Variants in CCDC7 observed in about 807,000 individuals in gnomAD.
The protein encoded by CCDC7 is coiled-coil domain containing 7.
Under a neutral mutation model 196.9 loss-of-function variants are expected in CCDC7, and 183 were observed. The observed-to-expected ratio is 0.93, with a 90% CI of 0.82 to 1.05. The LOEUF (loss-of-function observed/expected upper bound fraction) is 1.05, where lower values mean the gene tolerates loss of function less well. Among genes scored for constraint, CCDC7 ranks in the 50% least tolerant of loss-of-function variants. The pLI is 0.00. For synonymous variants in CCDC7, 525 were observed against 484.6 expected (o/e 1.08, Z -1.10); for missense variants, 1,540 against 1,482.2 (o/e 1.04, Z -0.64).
chr10:32,472,026 T>G (rs183529165), intron 6 of CCDC7, among the ~76,000 whole-genome samples: 223 of 152,298 alleles, frequency 1.5e-3, no homozygotes, highest in Middle Eastern at 0.014. Context: ...CCAATTTTAA[T>G]GAGAATAAAC....
At chr10:32,839,413 A>G (rs1439832280) in intron 33 of CCDC7, among the ~76,000 whole-genome samples, 1 of 151,968 alleles carries the variant, frequency 6.6e-6, no homozygotes, top group African/African-American at 2.4e-5. Context: ...AATGACAAAG[A>G]GGGACATTAT....
intron 21 of CCDC7, among the ~76,000 whole-genome samples, chr10:32,675,127 T>C (rs1044037544): frequency 6.6e-6 from 1 of 152,110 alleles, no homozygotes; most frequent in Non-Finnish European, 1.5e-5. Flanking sequence ...AGACTTACTA[T>C]TGCAATTATA....
chr10:32,683,112 GTT>G (rs1404888737), intron 21 of CCDC7, among the ~76,000 whole-genome samples: 1 of 152,064 alleles, frequency 6.6e-6, no homozygotes, highest in Non-Finnish European at 1.5e-5. Flanking sequence ...AATTTTCAGA[GTT>G]TTATATTTTT....
chr10:32,863,677 C>A (rs2094094097), intron 41 of CCDC7, among the ~76,000 whole-genome samples: 1 of 151,880 alleles, frequency 6.6e-6, no homozygotes, highest in South Asian at 2.1e-4. Context: ...ATAAATGGTG[C>A]TGGGAAAACT....
upstream of CCDC7, among the ~76,000 whole-genome samples, chr10:32,445,135 G>A (rs1002823905): frequency 2.0e-5 from 3 of 152,082 alleles, no homozygotes; most frequent in South Asian, 2.1e-4. Context: ...TTACAGGTGC[G>A]AGCCACCACG....
At chr10:32,823,624 T>C (rs933766930) in intron 31 of CCDC7, among the ~76,000 whole-genome samples, 3 of 152,216 alleles carry the variant, frequency 2.0e-5, no homozygotes, top group African/African-American at 7.2e-5. Flanking sequence ...CAACTACCAT[T>C]ACATGCTCTG....
intron 15 of CCDC7, 131 bp downstream of exon 16, chr10:32,568,022 T>TTGAGA: frequency 9.7e-7 from 1 of 1,033,432 alleles, no homozygotes; most frequent in Non-Finnish European, 1.3e-6. Context: ...TTTTTTTTTT[T>TTGAGA]TTTGAGATGG....
At chr10:32,452,675 C>T (rs1025939606) in intron 1 of CCDC7, among the ~76,000 whole-genome samples, 10 of 151,942 alleles carry the variant, frequency 6.6e-5, no homozygotes, top group African/African-American at 1.7e-4. Context: ...TCAGGCTGGT[C>T]TTAAACTCTT....
intron 13 of CCDC7, among the ~76,000 whole-genome samples, chr10:32,554,171 C>G (rs766168704): frequency 2.0e-5 from 3 of 152,206 alleles, no homozygotes; most frequent in Non-Finnish European, 2.9e-5. Context: ...CCCAACCTCC[C>G]CTGCAATAGC....
chr10:32,845,681 T>G (rs1254200429), intron 35 of CCDC7, 55 bp downstream of exon 36: 1 of 1,482,150 alleles, frequency 6.7e-7, no homozygotes, highest in Non-Finnish European at 9.4e-7. Flanking sequence ...ATTCCTGGAG[T>G]TAAATTAAGT....
Position 32,630,094 on chromosome 10 carries a change from G to C in CCDC7, c.1802-4160G>C, listed in dbSNP as rs994106905. On this transcript the variant is annotated intron_variant, in intron 18 of 41. Coordinates refer to ENST00000639629, the Ensembl canonical transcript of CCDC7. ...AGCTGCTGGAAAAGTATGTGGCCAA[G>C]CCCTTTCTAGGAGAAATCTGAGCTG... 5.9e-5 allele frequency among the ~76,000 whole-genome samples: 9 copies of C among 152,258 alleles called. No individual in the cohort carries two copies. In the East Asian group the frequency reaches 1.7e-3, roughly 29 times the overall value.
At chr10:32,786,671 G>A (rs931027356) in intron 29 of CCDC7, among the ~76,000 whole-genome samples, 1 of 152,142 alleles carries the variant, frequency 6.6e-6, no homozygotes, top group Non-Finnish European at 1.5e-5. Flanking sequence ...TGAAGCAGGA[G>A]AATTGTTTCA....
intron 41 of CCDC7, among the ~76,000 whole-genome samples, chr10:32,859,850 A>G (rs2093907664): frequency 6.6e-6 from 1 of 152,210 alleles, no homozygotes; most frequent in Non-Finnish European, 1.5e-5. Context: ...ACACCCTCCC[A>G]AGACTAAACC....
At chr10:32,815,824 A>G (rs1345608080) in intron 31 of CCDC7, among the ~76,000 whole-genome samples, 2 of 152,260 alleles carry the variant, frequency 1.3e-5, no homozygotes, top group Non-Finnish European at 2.9e-5. Flanking sequence ...TTTGAAGTCC[A>G]GAAGGCTGTG....
chr10:32,451,949 C>G, intron 1 of CCDC7, 28 bp downstream of exon 2: 1 of 1,587,522 alleles, frequency 6.3e-7, no homozygotes, highest in Non-Finnish European at 8.6e-7. Flanking sequence ...TTCTGTGTTG[C>G]AGGGCCCCCA....
At chr10:32,699,970 G>T (rs1462648145) in intron 24 of CCDC7, among the ~76,000 whole-genome samples, 4 of 149,380 alleles carry the variant, frequency 2.7e-5, no homozygotes, top group Non-Finnish European at 5.9e-5. Flanking sequence ...TGTCAGATGA[G>T]TAGATTGCAA....
In CCDC7 at chr10:32,739,865, C is replaced by G. The variant is rs911018781; in HGVS notation, c.2905+10408C>G. Reference sequence around the variant, plus strand: ...AATATTGTCATTATTTTTGCCCCCCCCCACCAAACTGCTGTTTCTGGTTTC... The same window carrying G: ...AATATTGTCATTATTTTTGCCCCCCGCCACCAAACTGCTGTTTCTGGTTTC... On this transcript the variant is annotated intron_variant, in intron 28 of 41. Transcript: ENST00000639629. Among the ~76,000 whole-genome samples the G allele has an allele frequency of 6.8e-4, 103 of 151,784 alleles. 1 individual carries two copies. The highest frequency in any genetic ancestry group is 2.3e-3 in the African/African-American group (96 of 41,388).
intron 18 of CCDC7, among the ~76,000 whole-genome samples, chr10:32,627,087 A>C (rs925114636): frequency 4.0e-5 from 6 of 151,830 alleles, no homozygotes; most frequent in South Asian, 2.1e-4. Flanking sequence ...ATGTCTGTGA[A>C]AAGTGACATT....
rs191854097 is a variant in CCDC7, at chr10:32,735,368, A to G, written c.2905+5911A>G. ...TTCCTTGCCAGTTTTTGTGTTTTTAATGCTTTGGATTTTAGCCATTCTGAT... is the reference window on the plus strand; with the variant it reads ...TTCCTTGCCAGTTTTTGTGTTTTTAGTGCTTTGGATTTTAGCCATTCTGAT... On this transcript the variant is annotated intron_variant, in intron 28 of 41. Coordinates refer to ENST00000639629, the Ensembl canonical transcript of CCDC7. Among the ~76,000 whole-genome samples, 4 of 152,266 alleles carry G rather than the reference A, an allele frequency of 2.6e-5. No homozygotes were observed. In the East Asian group the frequency reaches 7.7e-4, roughly 29 times the overall value.
Sources: allele counts gnomAD v4.1 joint callset (sites outside exome capture counted in the v4.1 genomes callset), GRCh38; gene constraint gnomAD v4.1.1; transcripts MANE v1.5; gene names NCBI Gene and HGNC (gene_info 2026-07-23, HGNC 2026-07-21).